RBL2: variants seen among roughly 807,000 people sequenced by gnomAD.
RBL2 encodes RB transcriptional corepressor like 2, also known as retinoblastoma-like protein 2.
RBL2 carries 56 observed loss-of-function variants against 126.0 expected under a neutral mutation model. The observed-to-expected ratio is 0.44, with a 90% confidence interval of 0.36 to 0.56. The LOEUF (loss-of-function observed/expected upper bound fraction) is 0.56, where lower values mean the gene tolerates loss of function less well. Ranked by LOEUF, RBL2 falls within the 20% of genes least tolerant of loss-of-function variation. The pLI, the probability that RBL2 is intolerant of heterozygous loss-of-function variation, is 0.00. For missense variants in RBL2, 1,229 were observed against 1,398.2 expected, an observed-to-expected ratio of 0.88 and a Z score of 1.93; for synonymous variants, 454 against 478.5, an observed-to-expected ratio of 0.95 and a Z score of 0.67.
intron 14 of RBL2, among the ~76,000 whole-genome samples, chr16:53,469,268 T>C (rs928522734): frequency 6.6e-6 from 1 of 152,172 alleles, no homozygotes. Flanking sequence ...CCCCAAACCA[T>C]TGAATTGTAT....
chr16:53,467,278 T>C (rs1473836107), intron 14 of RBL2, 109 bp downstream of exon 14: 2 of 877,026 alleles, frequency 2.3e-6, no homozygotes, highest in African/African-American at 3.4e-5. Context: ...GAAAATATTC[T>C]ATGCATTTTT....
At chr16:53,468,381 A>AC (rs1045570418) in intron 14 of RBL2, among the ~76,000 whole-genome samples, 28 of 151,066 alleles carry the variant, frequency 1.9e-4, no homozygotes, top group African/African-American at 3.4e-4. Flanking sequence ...TCTACCCCCA[A>AC]CCCCCCCAAA....
intron 4 of RBL2, among the ~76,000 whole-genome samples, chr16:53,451,374 C>T (rs1031117989): frequency 4.6e-5 from 7 of 151,944 alleles, no homozygotes; most frequent in African/African-American, 9.7e-5. Context: ...TGTGTGGTGG[C>T]GTGTACCTGT....
At chr16:53,479,359 CT>C in intron 18 of RBL2, 134 bp downstream of exon 18, 1 of 677,166 alleles carries the variant, frequency 1.5e-6, no homozygotes, top group Non-Finnish European at 2.5e-6. Context: ...GAAGTTTCTA[CT>C]TTAATCTTTA....
At chr16:53,454,245 C>T (rs1368816188) in intron 7 of RBL2, 1 of 452,810 alleles carries the variant, frequency 2.2e-6, no homozygotes, top group Non-Finnish European at 4.4e-6. Flanking sequence ...CGCTGTGTCG[C>T]CCAGGCTGGA....
intron 1 of RBL2, chr16:53,435,669 G>T (rs2057951780): frequency 7.8e-7 from 1 of 1,288,948 alleles, no homozygotes; most frequent in South Asian, 1.2e-5. Flanking sequence ...GAGGCCATTT[G>T]ATTTCTCAAG....
rs2058264614 is a variant in RBL2, at chr16:53,465,571, A to T, written c.1832A>T (p.Asp611Val). ...TCTCCACTCTGGGAAAAAATTAGAG[A>T]CAATGAAAACAGAGTTCCTACATGT... ...PESPLWEKIR[D>V]NENRVPTCEE... The change falls in exon 13 of 22, where the codon GAC (aspartate) becomes GTC (valine). Residue 611 changes from aspartate to valine, a missense_variant. Physicochemically the swap from Asp to Val is radical, Grantham distance 152. Around this residue, in one of 2 missense-constraint regions of RBL2, gnomAD observed 1,070 missense variants for 1,274.3 expected, o/e 0.84. Coordinates refer to ENST00000262133, the MANE Select transcript of RBL2 (RefSeq NM_005611.4). 1.2e-5 allele frequency: 19 copies of T among 1,595,658 alleles called. No homozygotes were observed. Among genetic ancestry groups the T allele is most frequent in the Non-Finnish European group, 1.6e-5 (19 of 1,174,300 alleles).
intron 3 of RBL2, among the ~76,000 whole-genome samples, chr16:53,446,567 AAG>A (rs1225873770): frequency 6.6e-6 from 1 of 152,212 alleles, no homozygotes; most frequent in Non-Finnish European, 1.5e-5. Flanking sequence ...ATGGAAGTAT[AAG>A]GAATTATAGG....
In RBL2 at chr16:53,482,900, G is replaced by A. The variant is rs554539156; in HGVS notation, c.3249+1065G>A. Among the ~76,000 whole-genome samples, 5 of 152,054 alleles carry A rather than the reference G, an allele frequency of 3.3e-5. No homozygotes were observed. In the East Asian group the frequency reaches 9.7e-4, roughly 29 times the overall value. Reference sequence around the variant, plus strand: ...AAAAAGGTCAGTATGGTAAGAGGACGGGGAAGGTATCATTGAGGAGACTAG... The same window carrying A: ...AAAAAGGTCAGTATGGTAAGAGGACAGGGAAGGTATCATTGAGGAGACTAG... On this transcript the variant is annotated intron_variant, in intron 21 of 21. Coordinates refer to ENST00000262133, the MANE Select transcript of RBL2 (RefSeq NM_005611.4).
intron 21 of RBL2, chr16:53,487,458 C>G (rs1405338792): frequency 6.6e-6 from 1 of 152,210 alleles, no homozygotes; most frequent in Non-Finnish European, 1.5e-5. Context: ...GCCTTTTCAA[C>G]AGATGGTGCT....
At chr16:53,478,844 A>C (rs1960832411) in intron 17 of RBL2, 1 of 244,006 alleles carries the variant, frequency 4.1e-6, no homozygotes, top group Non-Finnish European at 7.9e-6. Flanking sequence ...CTGGTCTTGA[A>C]CTCGTGACTT....
At chr16:53,460,470 G>C (rs1385071880) in intron 9 of RBL2, among the ~76,000 whole-genome samples, 1 of 151,970 alleles carries the variant, frequency 6.6e-6, no homozygotes, top group Non-Finnish European at 1.5e-5. Flanking sequence ...ATATCTCTGT[G>C]GCCTCTTCCT....
At chr16:53,464,464 G>A in intron 12 of RBL2, 101 bp downstream of exon 12, 2 of 1,031,270 alleles carry the variant, frequency 1.9e-6, no homozygotes, top group Non-Finnish European at 2.8e-6. Context: ...CATTTATTCT[G>A]TTTTTATTTA....
chr16:53,469,145 A>T (rs1389373433), intron 14 of RBL2, among the ~76,000 whole-genome samples: 1 of 152,148 alleles, frequency 6.6e-6, no homozygotes, highest in Non-Finnish European at 1.5e-5. Context: ...CACAAGAATC[A>T]CTTAAACCCA....
intron 21 of RBL2, among the ~76,000 whole-genome samples, chr16:53,486,773 G>A (rs1169825015): frequency 1.3e-5 from 2 of 152,242 alleles, no homozygotes. Context: ...GTCCTAGCAT[G>A]TGCAATAAGA....
intron 14 of RBL2, among the ~76,000 whole-genome samples, chr16:53,469,318 A>T (rs2058298982): frequency 6.6e-6 from 1 of 152,222 alleles, no homozygotes. Flanking sequence ...AAACTGTTTT[A>T]AAAAAATAAA....
chr16:53,466,720 A>G (rs1401645420), intron 13 of RBL2: 2 of 212,858 alleles, frequency 9.4e-6, no homozygotes, highest in South Asian at 6.7e-5. Flanking sequence ...CTTTGCTCGC[A>G]TGCTCACTTG....
intron 21 of RBL2, among the ~76,000 whole-genome samples, chr16:53,482,812 C>CAAA (rs11366467): frequency 1.1e-5 from 1 of 94,500 alleles, no homozygotes; most frequent in African/African-American, 3.4e-5. Flanking sequence ...CTCACTGTCT[C>CAAA]AAAAAAAAAA....
In RBL2 at chr16:53,479,878, C is replaced by G. The variant is rs1263201702; in HGVS notation, c.2776-8C>G. ...AGTTTATGTCCCCTTCTCATTGTTT[C>G]TCTAAAGGTGTATAGAAGTGTTTTG... is the stretch of plus-strand genomic sequence containing the variant. On this transcript the variant is annotated splice_region_variant and splice_polypyrimidine_tract_variant and intron_variant, in intron 18 of 21. Coordinates refer to ENST00000262133, the MANE Select transcript of RBL2 (RefSeq NM_005611.4). The G allele has an allele frequency of 1.3e-6, 2 of 1,560,184 alleles. No individual in the cohort carries two copies. The highest frequency in any genetic ancestry group is 1.8e-5 in the Admixed American group (1 of 56,952).
Sources: allele counts gnomAD v4.1 joint callset (sites outside exome capture counted in the v4.1 genomes callset), GRCh38; gene constraint gnomAD v4.1.1; regional missense constraint gnomAD v4.1.1; transcripts MANE v1.5; gene names NCBI Gene and HGNC (gene_info 2026-07-23, HGNC 2026-07-21).